Variants in NUP210L observed in about 807,000 individuals in gnomAD.
The protein encoded by NUP210L is nucleoporin 210 like.
In NUP210L, 74 loss-of-function variants were observed where a neutral mutation model predicts 208.5. The observed-to-expected ratio is 0.35, with a 90% confidence interval of 0.29 to 0.43. The LOEUF (loss-of-function observed/expected upper bound fraction) is 0.43. NUP210L is among the 20% of genes least tolerant of loss of function. The probability of loss-of-function intolerance (pLI) is 1.00; values close to 1 mark genes in which losing one functional copy is unlikely to be tolerated. For synonymous variants in NUP210L, 780 were observed against 816.9 expected (o/e 0.95, Z 0.77); for missense variants, 1,843 against 2,289.4 (o/e 0.81, Z 3.98).
intron 34 of NUP210L, among the ~76,000 whole-genome samples, chr1:154,011,143 T>A (rs1200120333): frequency 6.6e-6 from 1 of 151,868 alleles, no homozygotes; most frequent in African/African-American, 2.4e-5. Flanking sequence ...ATGCATGAGG[T>A]TTCTCAATAA....
chr1:153,998,353 G>A (rs1298378717), intron 37 of NUP210L, among the ~76,000 whole-genome samples: 2 of 151,856 alleles, frequency 1.3e-5, no homozygotes, highest in East Asian at 1.9e-4. Context: ...TCAGGAGTTC[G>A]AGACCAGCCT....
At chr1:154,093,070 T>A (rs997458872) in intron 15 of NUP210L, among the ~76,000 whole-genome samples, 1 of 152,166 alleles carries the variant, frequency 6.6e-6, no homozygotes, top group Non-Finnish European at 1.5e-5. Context: ...ATGGTAGTGA[T>A]GCCTGCACAA....
chr1:154,103,608 C>G (rs1413412080), intron 13 of NUP210L, among the ~76,000 whole-genome samples: 1 of 126,368 alleles, frequency 7.9e-6, no homozygotes, highest in African/African-American at 3.0e-5. Flanking sequence ...GGAGGCGGAG[C>G]TTGCAGTGAG....
At chr1:154,140,454 G>A (rs1658791083) in intron 4 of NUP210L, among the ~76,000 whole-genome samples, 1 of 150,962 alleles carries the variant, frequency 6.6e-6, no homozygotes, top group Non-Finnish European at 1.5e-5. Context: ...ATCACTTGAG[G>A]TCAGGAGTTT....
rs907786492 is a variant in NUP210L at position 154,141,342 on chromosome 1, T to A, written c.566+89A>T. Reference sequence around the variant, plus strand: ...AAAGTAGATAGCAGGGTCATCAAAGTCCACACAAATGGTTGCTTGTTCAGC... The same window carrying A: ...AAAGTAGATAGCAGGGTCATCAAAGACCACACAAATGGTTGCTTGTTCAGC... On this transcript the variant is annotated intron_variant, in intron 4 of 39. Transcript: ENST00000368559. 3.7e-6 allele frequency: 3 copies of A among 805,648 alleles called. No individual in the cohort carries two copies. In the African/African-American group the frequency reaches 5.1e-5, roughly 14 times the overall value. The allele number at this position is 805,648 out of a possible 1,614,324, so 49.9% of individuals were successfully genotyped here.
chr1:154,092,242 AT>A lies in NUP210L; in HGVS notation c.2188-2649del, dbSNP rs1343312397. Among the ~76,000 whole-genome samples the A allele has an allele frequency of 9.5e-3, 1,258 of 132,860 alleles. 20 individuals are homozygous for A. The highest frequency in any genetic ancestry group is 0.031 in the African/African-American group (1,106 of 35,750). 87.2% of individuals were successfully genotyped at this position (132,860 alleles called of 152,430 possible). ...AGGCACGCGCCACCACGCCTGGCTAATTTTTTTTTTTTATTTTTAGTAGAGA... is the reference window on the plus strand; with the variant it reads ...AGGCACGCGCCACCACGCCTGGCTAATTTTTTTTTTTATTTTTAGTAGAGA... On this transcript the variant is annotated intron_variant, in intron 15 of 39. Transcript: ENST00000368559.
intron 22 of NUP210L, 33 bp from the exon 23 acceptor site, chr1:154,056,980 G>T (rs1571221690): frequency 6.2e-7 from 1 of 1,600,382 alleles, no homozygotes; most frequent in East Asian, 2.3e-5. Flanking sequence ...AGGTGAGAAA[G>T]ATTTTTGTTT....
chr1:154,082,509 G>A (rs1655391461), intron 16 of NUP210L, among the ~76,000 whole-genome samples: 1 of 151,984 alleles, frequency 6.6e-6, no homozygotes, highest in African/African-American at 2.4e-5. Flanking sequence ...GATTCCCAGA[G>A]GATGGCATGC....
At chr1:154,155,107 C>G in exon 1 of NUP210L, 2 of 1,233,156 alleles carry the variant, frequency 1.6e-6, no homozygotes, top group Non-Finnish European at 2.3e-6. Flanking sequence ...ATCAGCCAAT[C>G]CACAGGCGTG....
Position 154,141,543 on chromosome 1 carries a change from G to A in NUP210L, c.473-19C>T, listed in dbSNP as rs760474069. 9 of 1,444,732 alleles carry A rather than the reference G, an allele frequency of 6.2e-6. No individual in the cohort carries two copies. The African/African-American group carries it at 1.1e-4, about 18-fold the overall frequency. 89.5% of individuals were successfully genotyped at this position (1,444,732 alleles called of 1,614,324 possible). A position where few individuals can be genotyped will look rare whatever the true frequency, so the allele number is the denominator to read the frequency against. On this transcript the variant is annotated intron_variant, in intron 3 of 39. Transcript: ENST00000368559. The stretch of plus-strand genomic sequence containing the variant: ...GTATTTCCTGTAGAGCAAGCCAAAA[G>A]CAGACAAGATAGGATCACGTATTTA...
At chr1:154,023,533 A>G (rs1271365162) in intron 30 of NUP210L, among the ~76,000 whole-genome samples, 5 of 152,048 alleles carry the variant, frequency 3.3e-5, no homozygotes, top group African/African-American at 1.2e-4. Flanking sequence ...GCTGGAGTGC[A>G]GCGGCATGAT....
chr1:154,068,188 A>G (rs1371488498), intron 17 of NUP210L, among the ~76,000 whole-genome samples: 1 of 152,212 alleles, frequency 6.6e-6, no homozygotes, highest in Non-Finnish European at 1.5e-5. Flanking sequence ...CAACTATATT[A>G]CAAGGCTACA....
chr1:154,025,352 CTCCT>C (rs1651814186), intron 30 of NUP210L, among the ~76,000 whole-genome samples, 186 bp downstream of exon 30: 1 of 117,318 alleles, frequency 8.5e-6, no homozygotes, highest in South Asian at 3.1e-4. Flanking sequence ...TCTTCTTCTT[CTCCT>C]TTTTTTTTTT....
chr1:154,009,688 A>T (rs1650789542), intron 35 of NUP210L, among the ~76,000 whole-genome samples: 2 of 146,116 alleles, frequency 1.4e-5, no homozygotes, highest in African/African-American at 5.0e-5. Context: ...GCTACTCAGG[A>T]GGCTGAGGCA....
At chr1:154,129,614 T>C (rs1658146191) in intron 7 of NUP210L, among the ~76,000 whole-genome samples, 1 of 152,224 alleles carries the variant, frequency 6.6e-6, no homozygotes, top group Non-Finnish European at 1.5e-5. Flanking sequence ...GTGCTTTTAA[T>C]ATTAACGTAG....
intron 5 of NUP210L, among the ~76,000 whole-genome samples, chr1:154,138,692 T>C (rs950368848): frequency 6.6e-5 from 10 of 152,340 alleles, no homozygotes; most frequent in African/African-American, 2.4e-4. Flanking sequence ...ACACTCATGT[T>C]CTTGCCATTG....
intron 27 of NUP210L, among the ~76,000 whole-genome samples, chr1:154,040,368 G>T (rs1414144471): frequency 1.3e-5 from 2 of 148,902 alleles, no homozygotes; most frequent in African/African-American, 4.9e-5. Flanking sequence ...ATAAGACCTT[G>T]TATCAAAAAA....
chr1:154,050,849 T>C (rs1019318213), intron 25 of NUP210L, among the ~76,000 whole-genome samples: 2 of 152,236 alleles, frequency 1.3e-5, no homozygotes, highest in Non-Finnish European at 2.9e-5. Context: ...CTAATAATGG[T>C]AAAGCTTCTT....
chr1:154,095,195 G>T, intron 14 of NUP210L, 39 bp from the exon 15 acceptor site: 1 of 1,457,578 alleles, frequency 6.9e-7, no homozygotes, highest in Non-Finnish European at 9.6e-7. Flanking sequence ...GATAGGTTAG[G>T]GAATTCAATA....
Sources: allele counts gnomAD v4.1 joint callset (sites outside exome capture counted in the v4.1 genomes callset), GRCh38; gene constraint gnomAD v4.1.1; transcripts MANE v1.5; gene names NCBI Gene and HGNC (gene_info 2026-07-23, HGNC 2026-07-21).